The following PTPRA variants were observed in gnomAD, a reference collection of about 807,000 sequenced individuals.
PTPRA encodes the protein protein tyrosine phosphatase receptor type A.
Under a neutral mutation model 104.8 loss-of-function variants are expected in PTPRA, and 25 were observed. The observed-to-expected ratio is 0.24, with a 90% CI of 0.17 to 0.33. The LOEUF (loss-of-function observed/expected upper bound fraction) is 0.33. Ranked by LOEUF, PTPRA falls within the 10% of genes least tolerant of loss-of-function variation. The probability of loss-of-function intolerance (pLI) is 1.00; values close to 1 mark genes in which losing one functional copy is unlikely to be tolerated. For synonymous variants in PTPRA, 323 were observed against 368.9 expected (o/e 0.88, Z 1.43); for missense variants, 765 against 1,015.3 (o/e 0.75, Z 3.35).
chr20:2,955,517 G>C, intron 3 of PTPRA: 3 of 539,048 alleles, frequency 5.6e-6, no homozygotes, highest in Non-Finnish European at 7.1e-6. Flanking sequence ...CACTAATGTT[G>C]GGGAAGGTCT....
chr20:2,869,905 G>A (rs1209007307), upstream of PTPRA, among the ~76,000 whole-genome samples: 1 of 151,486 alleles, frequency 6.6e-6, no homozygotes, highest in Non-Finnish European at 1.5e-5. Flanking sequence ...AACCCAGGAG[G>A]TGGAGGTTGC....
chr20:2,871,364 G>A (rs546171718), upstream of PTPRA, among the ~76,000 whole-genome samples: 9 of 152,142 alleles, frequency 5.9e-5, no homozygotes, highest in South Asian at 2.1e-4. Context: ...TGACTACCAC[G>A]CCCAACAACA....
Position 3,022,946 on chromosome 20 carries a change from G to T in PTPRA, c.1464+122G>T. 2 of 1,444,952 alleles carry T rather than the reference G, an allele frequency of 1.4e-6. No homozygotes were observed. Among genetic ancestry groups the T allele is most frequent in the Non-Finnish European group, 1.9e-6 (2 of 1,071,708 alleles). The allele number at this position is 1,444,952 out of a possible 1,614,324, so 89.5% of individuals were successfully genotyped here. A position where few individuals can be genotyped will look rare whatever the true frequency, so the allele number is the denominator to read the frequency against. ...GATTACTATAGAGTGTGATTGTGGG[G>T]GAAAGAAAGATAGATCACACTGTTA... On this transcript the variant is annotated intron_variant, in intron 16 of 23. Transcript: ENST00000399903. The surrounding 1 kb of genome is among the most constrained non-coding windows in gnomAD (Gnocchi z 4.6).
At chr20:3,010,754 C>T (rs1361129005) in intron 11 of PTPRA, among the ~76,000 whole-genome samples, 1 of 152,244 alleles carries the variant, frequency 6.6e-6, no homozygotes, top group East Asian at 1.9e-4. Context: ...CCCCACCACC[C>T]TGTCCTCAGG....
At chr20:2,968,957 C>T (rs1555807220) in intron 5 of PTPRA, among the ~76,000 whole-genome samples, 2 of 152,084 alleles carry the variant, frequency 1.3e-5, no homozygotes, top group Admixed American at 6.5e-5. Flanking sequence ...CCTGTAATCC[C>T]AGCACTTTGG....
chr20:2,948,171 C>T (rs574357408), intron 3 of PTPRA, 147 bp downstream of exon 3: 54 of 370,136 alleles, frequency 1.5e-4, no homozygotes, highest in South Asian at 1.0e-3. Context: ...TTACTGAGAC[C>T]GATACATGTC....
intron 1 of PTPRA, among the ~76,000 whole-genome samples, chr20:2,915,609 T>G (rs942697005): frequency 3.3e-5 from 5 of 152,238 alleles, no homozygotes; most frequent in African/African-American, 1.2e-4. Flanking sequence ...GTCAGTTTTG[T>G]TGCTTATGAT....
chr20:2,882,975 CTTTTTTTT>C (rs752857166), intron 1 of PTPRA, among the ~76,000 whole-genome samples: 10 of 113,656 alleles, frequency 8.8e-5, no homozygotes, highest in Non-Finnish European at 1.4e-4. Context: ...AAATCCAACA[CTTTTTTTT>C]TTTTTTTTTT....
At chr20:3,005,033 T>C (rs2063801443) in intron 9 of PTPRA, 23 bp from the exon 10 acceptor site, 4 of 1,554,118 alleles carry the variant, frequency 2.6e-6, no homozygotes, top group Non-Finnish European at 3.6e-6. Flanking sequence ...TAATAATTCC[T>C]CTAATTTCTC....
intron 5 of PTPRA, among the ~76,000 whole-genome samples, chr20:2,966,208 T>C (rs987346344): frequency 4.3e-4 from 65 of 152,198 alleles, no homozygotes; most frequent in African/African-American, 1.1e-3. Context: ...CAAGACAGCA[T>C]TTGCAGTTAA....
rs2061301887 is a variant in PTPRA, at chr20:2,950,076, T to C, written c.-7+2052T>C. On this transcript the variant is annotated intron_variant, in intron 3 of 23. Coordinates refer to ENST00000399903, the MANE Select transcript of PTPRA (RefSeq NM_001385305.1). The surrounding 1 kb of genome is among the most constrained non-coding windows in gnomAD (Gnocchi z 4.0). The stretch of plus-strand genomic sequence containing the variant: ...GTCCAGTTTTGGTGCCTGGTTTTGC[T>C]CTCTCCTTAGAATGAGCTGGGAACT... 6.6e-6 allele frequency among the ~76,000 whole-genome samples: 1 copy of C among 152,174 alleles called. No homozygotes were observed. The highest frequency in any genetic ancestry group is 6.5e-5 in the Admixed American group (1 of 15,280).
intron 1 of PTPRA, among the ~76,000 whole-genome samples, chr20:2,920,242 A>G (rs2060051869): frequency 6.6e-6 from 1 of 152,222 alleles, no homozygotes; most frequent in African/African-American, 2.4e-5. Context: ...CTAGAAGGCA[A>G]GGGAATTTAT....
chr20:3,011,590 G>C (rs781470435), intron 11 of PTPRA, among the ~76,000 whole-genome samples: 1 of 152,192 alleles, frequency 6.6e-6, no homozygotes, highest in African/African-American at 2.4e-5. Context: ...GGAGAAACAT[G>C]AGCAAAGTCA....
chr20:3,024,588 GA>G lies in PTPRA; in HGVS notation c.1582del (p.Thr528ProfsTer6). ...LQKIYNKIPG[T>X]SNNGLEEEFK... ...AGAAAATTTACAACAAAATCCCAGG[GA>G]CCAGCAACAATGGATTAGAGGAGGA... On this transcript the variant is annotated frameshift_variant, in exon 17 of 24. Coordinates refer to ENST00000399903, the MANE Select transcript of PTPRA (RefSeq NM_001385305.1). LOFTEE classifies it high-confidence loss of function. 6.2e-7 allele frequency: 1 copy of G among 1,614,142 alleles called. No individual in the cohort carries two copies. Among genetic ancestry groups the G allele is most frequent in the Non-Finnish European group, 8.5e-7 (1 of 1,180,024 alleles).
chr20:2,890,086 TGAG>T (rs2058739050), intron 1 of PTPRA, among the ~76,000 whole-genome samples: 1 of 149,354 alleles, frequency 6.7e-6, no homozygotes, highest in Non-Finnish European at 1.5e-5. Context: ...TTTGTAGAGA[TGAG>T]GCCTCACTAT....
chr20:2,889,267 G>A (rs550836454), intron 1 of PTPRA, among the ~76,000 whole-genome samples: 2 of 152,250 alleles, frequency 1.3e-5, no homozygotes, highest in South Asian at 4.1e-4. Context: ...TCACCTGCTT[G>A]TCAATTAAGT....
intron 6 of PTPRA, among the ~76,000 whole-genome samples, chr20:2,978,557 C>T (rs2062540579): frequency 6.6e-6 from 1 of 150,694 alleles, no homozygotes; most frequent in South Asian, 2.1e-4. Context: ...AGAGGTGAGC[C>T]CTTCAATTAA....
chr20:3,027,873 C>CA, intron 20 of PTPRA, 32 bp downstream of exon 20: 1 of 1,609,010 alleles, frequency 6.2e-7, no homozygotes, highest in Non-Finnish European at 8.5e-7. Flanking sequence ...TGGTGAGAGA[C>CA]AGAGACAGCA....
At chr20:3,014,533 C>T (rs1466786560) in intron 11 of PTPRA, among the ~76,000 whole-genome samples, 1 of 152,096 alleles carries the variant, frequency 6.6e-6, no homozygotes, top group Non-Finnish European at 1.5e-5. Flanking sequence ...GATCCCAGCT[C>T]CTTGGGAAGC....
Sources: allele counts gnomAD v4.1 joint callset (sites outside exome capture counted in the v4.1 genomes callset), GRCh38; gene constraint gnomAD v4.1.1; non-coding constraint Gnocchi (gnomAD v3.1); transcripts MANE v1.5; gene names NCBI Gene and HGNC (gene_info 2026-07-23, HGNC 2026-07-21).